Variants in CECR2 observed in about 807,000 individuals in gnomAD.
The protein encoded by CECR2 is CECR2 histone acetyl-lysine reader, also known as chromatin remodeling regulator CECR2.
CECR2 carries 30 observed loss-of-function variants against 154.5 expected under a neutral mutation model. That is an observed-to-expected ratio of 0.19 (90% CI 0.15 to 0.26). The LOEUF is 0.26. Among genes scored for constraint, CECR2 ranks in the 10% least tolerant of loss-of-function variants. The pLI is 1.00. For synonymous variants in CECR2, 725 were observed against 683.7 expected, an observed-to-expected ratio of 1.06 and a Z score of -0.94; for missense variants, 1,743 against 1,829.3, an observed-to-expected ratio of 0.95 and a Z score of 0.86.
In CECR2 at chr22:17,460,391, G is replaced by A. The variant is rs188454498; in HGVS notation, c.127-17197G>A. 4.6e-5 allele frequency among the ~76,000 whole-genome samples: 7 copies of A among 152,256 alleles called. No homozygotes were observed. In the East Asian group the frequency reaches 7.7e-4, roughly 17 times the overall value. ...TGCCCGGCTAAGTTTTCTATTTTCA[G>A]TAGAGACAGGATTTCGCCATGTTGG... On this transcript the variant is annotated intron_variant, in intron 1 of 18. Coordinates refer to ENST00000262608, the MANE Select transcript of CECR2 (RefSeq NM_001290047.2).
intron 2 of CECR2, among the ~76,000 whole-genome samples, chr22:17,489,353 G>A (rs921174404): frequency 1.3e-5 from 2 of 152,178 alleles, no homozygotes; most frequent in Non-Finnish European, 2.9e-5. Flanking sequence ...AATGTGGAGT[G>A]GTTATTCATG....
intron 8 of CECR2, among the ~76,000 whole-genome samples, chr22:17,519,382 C>G (rs1400723305): frequency 6.6e-6 from 1 of 151,424 alleles, no homozygotes. Context: ...ACCTCTGCCT[C>G]CCGAGTAGCT....
chr22:17,395,586 A>G (rs945678286), intron 1 of CECR2, among the ~76,000 whole-genome samples: 5 of 152,014 alleles, frequency 3.3e-5, no homozygotes, highest in Non-Finnish European at 5.9e-5. Context: ...CTCAAGTGAT[A>G]TGCCCGCCTC....
intron 1 of CECR2, among the ~76,000 whole-genome samples, chr22:17,465,132 G>A (rs901875945): frequency 6.6e-6 from 1 of 151,800 alleles, no homozygotes; most frequent in African/African-American, 2.4e-5. Flanking sequence ...GAGCAGCTGG[G>A]ACTACAGGCG....
At chr22:17,483,219 G>T (rs1431693518) in intron 2 of CECR2, among the ~76,000 whole-genome samples, 1 of 152,086 alleles carries the variant, frequency 6.6e-6, no homozygotes, top group Non-Finnish European at 1.5e-5. Flanking sequence ...CAGATCAAAT[G>T]TAAAAAACAA....
intron 1 of CECR2, among the ~76,000 whole-genome samples, 175 bp from the exon 2 acceptor site, chr22:17,477,413 C>T (rs190767075): frequency 3.3e-5 from 5 of 152,222 alleles, no homozygotes; most frequent in South Asian, 2.1e-4. Flanking sequence ...AAAGAAAACG[C>T]GGAATCCGGT....
chr22:17,460,371 G>A (rs750442881), intron 1 of CECR2, among the ~76,000 whole-genome samples: 12 of 152,116 alleles, frequency 7.9e-5, no homozygotes, highest in African/African-American at 1.7e-4. Context: ...CACCATGCCC[G>A]GCTAAGTTTT....
At chr22:17,541,791 T>G in intron 14 of CECR2, 48 bp from the exon 15 acceptor site, 1 of 1,569,144 alleles carries the variant, frequency 6.4e-7, no homozygotes. Flanking sequence ...CAACCTAAAG[T>G]CTGTGCCTTT....
intron 2 of CECR2, among the ~76,000 whole-genome samples, chr22:17,483,921 A>C (rs1469701051): frequency 6.6e-6 from 1 of 152,214 alleles, no homozygotes; most frequent in African/African-American, 2.4e-5. Flanking sequence ...AATCTTTTGT[A>C]CCATGTCCTT....
intron 1 of CECR2, among the ~76,000 whole-genome samples, chr22:17,413,601 T>C (rs1309845276): frequency 6.6e-6 from 1 of 152,162 alleles, no homozygotes; most frequent in Admixed American, 6.5e-5. Flanking sequence ...CTCGCCAAAC[T>C]ATTCTGTAAG....
intron 2 of CECR2, among the ~76,000 whole-genome samples, chr22:17,478,938 G>A (rs5747197): frequency 0.029 from 4,393 of 152,262 alleles, 159 homozygotes; most frequent in East Asian, 0.22. Flanking sequence ...AGACTTGGGA[G>A]TTTGTAATTT....
Position 17,542,234 on chromosome 22 carries a change from A to C in CECR2, c.2091A>C (p.Thr697=). 6.2e-7 allele frequency: 1 copy of C among 1,611,642 alleles called. No individual in the cohort carries two copies. The highest frequency in any genetic ancestry group is 8.5e-7 in the Non-Finnish European group (1 of 1,178,860). ...AGAAGCAAATGTGCGGGGGGCTGAC[A>C]CACCTTTCTAACATGGGCCCACACC... ...PEEKQMCGGL[T]HLSNMGPHPG... The change falls in exon 16 of 19, where the codon ACA becomes ACC. Residue 697 remains threonine (T), a synonymous_variant. Transcript: ENST00000262608.
intron 1 of CECR2, among the ~76,000 whole-genome samples, chr22:17,473,040 G>A (rs1212309457): frequency 6.6e-6 from 1 of 152,096 alleles, no homozygotes; most frequent in African/African-American, 2.4e-5. Flanking sequence ...GCCACTGCAC[G>A]GCTCGAAGGA....
chr22:17,440,371 A>G (rs1015569281), intron 1 of CECR2, among the ~76,000 whole-genome samples: 2 of 152,236 alleles, frequency 1.3e-5, no homozygotes, highest in African/African-American at 2.4e-5. Context: ...CCTTTATTAC[A>G]TTCCCAATTA....
In CECR2 at chr22:17,504,857, G is replaced by T. The variant is rs756042249; in HGVS notation, c.711G>T (p.Gly237=). 6.2e-7 allele frequency: 1 copy of T among 1,613,472 alleles called. No individual in the cohort carries two copies. The highest frequency in any genetic ancestry group is 8.5e-7 in the Non-Finnish European group (1 of 1,179,712). Residue 237 remains glycine, a synonymous_variant, in exon 7 of 19, where the codon GGG becomes GGT. Coordinates refer to ENST00000262608, the MANE Select transcript of CECR2 (RefSeq NM_001290047.2). The part of the protein sequence containing the change: ...SEPQTRHGSQ[G]PGQGTWWLLC... ...TCCTTTATTTTCTAGGGTCCCAAGG[G>T]CCAGGCCAAGGTACTTGGTGGCTCC...
At chr22:17,528,884 T>C (rs1293714176) in intron 9 of CECR2, among the ~76,000 whole-genome samples, 1 of 152,054 alleles carries the variant, frequency 6.6e-6, no homozygotes, top group Admixed American at 6.6e-5. Context: ...TAGACAAATA[T>C]TGTGGGATAA....
At chr22:17,524,687 T>C (rs1453402726) in intron 9 of CECR2, among the ~76,000 whole-genome samples, 5 of 117,812 alleles carry the variant, frequency 4.2e-5, no homozygotes, top group African/African-American at 1.7e-4. Flanking sequence ...CCACCATGCC[T>C]GGCCCTTTTT....
intron 1 of CECR2, among the ~76,000 whole-genome samples, chr22:17,417,099 T>C (rs1195584763): frequency 6.6e-6 from 1 of 152,168 alleles, no homozygotes; most frequent in Non-Finnish European, 1.5e-5. Context: ...GGTAGATGTT[T>C]TACCCTCGTT....
At chr22:17,538,911 C>T in intron 12 of CECR2, 82 bp from the exon 13 acceptor site, 2 of 1,505,888 alleles carry the variant, frequency 1.3e-6, no homozygotes, top group Non-Finnish European at 1.8e-6. Flanking sequence ...GCTGAATTCT[C>T]ATTATCTCTC....
Sources: gnomAD v4.1 joint callset for allele counts (sites outside exome capture counted in the v4.1 genomes callset) on GRCh38, gnomAD v4.1.1 for gene constraint, MANE v1.5 for transcripts, NCBI Gene and HGNC (gene_info 2026-07-23, HGNC 2026-07-21) for gene names.